PLCL1: variants seen among roughly 807,000 people sequenced by gnomAD.
The protein encoded by PLCL1 is inactive phospholipase C-like protein 1.
In PLCL1, 41 loss-of-function variants were observed where a neutral mutation model predicts 84.4. That is an observed-to-expected ratio of 0.49 (90% CI 0.38 to 0.63). The LOEUF (loss-of-function observed/expected upper bound fraction) is 0.63, where lower values mean the gene tolerates loss of function less well. PLCL1 is among the 30% of genes least tolerant of loss of function. The probability of loss-of-function intolerance (pLI) is 0.00; values close to 1 mark genes in which losing one functional copy is unlikely to be tolerated. For missense variants in PLCL1, 1,206 were observed against 1,367.8 expected (o/e 0.88, Z 1.87); for synonymous variants, 490 against 488.3 (o/e 1.00, Z -0.05).
chr2:197,820,256 C>A (rs1331833547), intron 1 of PLCL1, among the ~76,000 whole-genome samples: 2 of 152,036 alleles, frequency 1.3e-5, no homozygotes, highest in Admixed American at 6.6e-5. Context: ...TGTCAGCAAC[C>A]CCAAGTATTA....
intron 1 of PLCL1, among the ~76,000 whole-genome samples, chr2:198,015,022 A>G (rs1690963867): frequency 6.6e-6 from 1 of 152,130 alleles, no homozygotes; most frequent in Non-Finnish European, 1.5e-5. Context: ...TTTAATGTTT[A>G]AAAACTTATT....
intron 5 of PLCL1, among the ~76,000 whole-genome samples, chr2:198,111,165 A>G (rs1693611999): frequency 6.6e-6 from 1 of 151,808 alleles, no homozygotes; most frequent in South Asian, 2.1e-4. Context: ...AAATCTGAAA[A>G]TCTACTACAA....
chr2:197,859,355 AAATT>A (rs1248738812), intron 1 of PLCL1, among the ~76,000 whole-genome samples: 6 of 152,198 alleles, frequency 3.9e-5, no homozygotes, highest in Non-Finnish European at 8.8e-5. Context: ...TCAGTTTTAT[AAATT>A]CTTAATCTGT....
At chr2:198,011,128 T>C (rs1690859113) in intron 1 of PLCL1, among the ~76,000 whole-genome samples, 1 of 151,990 alleles carries the variant, frequency 6.6e-6, no homozygotes, top group Non-Finnish European at 1.5e-5. Context: ...ACTCTAATTT[T>C]TATGGTTTCC....
At chr2:198,017,068 G>A (rs1242615016) in intron 1 of PLCL1, among the ~76,000 whole-genome samples, 1 of 152,166 alleles carries the variant, frequency 6.6e-6, no homozygotes, top group African/African-American at 2.4e-5. Context: ...GCATGATAGT[G>A]ACCAGGAAAA....
At position 198,133,879 on chromosome 2, in the gene PLCL1, G is replaced by A. The variant is rs1252561834; in HGVS notation, c.3106-12901G>A. On this transcript the variant is annotated intron_variant, in intron 5 of 5. Transcript: ENST00000428675. ...AATAAGATGTTTTGGGACAACTGGG[G>A]AAATTTAATATGTACTGTATATCAG... Among the ~76,000 whole-genome samples, 3 of 152,152 alleles carry A rather than the reference G, an allele frequency of 2.0e-5. No individual in the cohort carries two copies. In the East Asian group the frequency reaches 5.8e-4, roughly 29 times the overall value.
At chr2:197,817,475 T>C (rs1248254677) in intron 1 of PLCL1, among the ~76,000 whole-genome samples, 1 of 152,038 alleles carries the variant, frequency 6.6e-6, no homozygotes, top group African/African-American at 2.4e-5. Flanking sequence ...GATGGGGGTT[T>C]TGCTGTGTTT....
intron 1 of PLCL1, among the ~76,000 whole-genome samples, chr2:198,003,503 G>T (rs977719995): frequency 1.3e-5 from 2 of 152,208 alleles, no homozygotes; most frequent in Non-Finnish European, 2.9e-5. Flanking sequence ...TTTAGTTGTA[G>T]TTTAGGAAGT....
chr2:197,883,050 G>T lies in PLCL1; in HGVS notation c.240+77711G>T, dbSNP rs191902918. 7.8e-4 allele frequency among the ~76,000 whole-genome samples: 119 copies of T among 152,260 alleles called. 1 individual carries two copies. Among genetic ancestry groups the T allele is most frequent in the African/African-American group, 2.7e-3 (114 of 41,558 alleles). ...AATGGTTAACTTGATGGGGGAGTAG[G>T]TGATGACGGGACAGAGCTTGAGAGA... On this transcript the variant is annotated intron_variant, in intron 1 of 5. Transcript: ENST00000428675.
chr2:198,147,201 A>AGTGT lies in PLCL1; in HGVS notation c.*240_*241insTGTG, dbSNP rs1694543804. ...ACACCCCTGTGTGGATGCCTGTGGA[A>AGTGT]GAGTGTGTGTGTGTGTGTGTGTGTG... is the stretch of plus-strand genomic sequence containing the variant. On this transcript the variant is annotated 3_prime_UTR_variant, in exon 6 of 6. Transcript: ENST00000428675. The AGTGT allele has an allele frequency of 1.2e-5, 2 of 167,118 alleles. No homozygotes were observed. The highest frequency in any genetic ancestry group is 8.3e-5 in the South Asian group (1 of 12,000). The allele number at this position is 167,118 out of a possible 1,614,324, so 10.4% of individuals were successfully genotyped here.
chr2:198,021,233 G>C (rs979589170), intron 1 of PLCL1, among the ~76,000 whole-genome samples: 3 of 152,160 alleles, frequency 2.0e-5, no homozygotes, highest in African/African-American at 7.2e-5. Context: ...AGAGTCTCTG[G>C]GACACAGCTA....
intron 1 of PLCL1, among the ~76,000 whole-genome samples, chr2:198,057,353 T>C (rs1692092920): frequency 6.6e-6 from 1 of 152,040 alleles, no homozygotes; most frequent in Admixed American, 6.5e-5. Flanking sequence ...TGTTCCCTGG[T>C]GTGGGGGTAG....
At chr2:198,028,639 T>A (rs769965067) in intron 1 of PLCL1, among the ~76,000 whole-genome samples, 1 of 152,226 alleles carries the variant, frequency 6.6e-6, no homozygotes, top group African/African-American at 2.4e-5. Context: ...CACGGTCATA[T>A]TTTTTGTACA....
chr2:197,918,966 C>CTT (rs1410337506), intron 1 of PLCL1, among the ~76,000 whole-genome samples: 174 of 146,132 alleles, frequency 1.2e-3, no homozygotes, highest in Non-Finnish European at 2.0e-3. Context: ...CTCTCTCTCT[C>CTT]TCCCTCACAC....
At chr2:197,967,398 T>C (rs936008016) in intron 1 of PLCL1, among the ~76,000 whole-genome samples, 3 of 152,140 alleles carry the variant, frequency 2.0e-5, no homozygotes, top group Non-Finnish European at 2.9e-5. Context: ...GGTTTCACCA[T>C]GTTGGCCAGG....
At chr2:198,128,230 C>G (rs1559114397) in intron 5 of PLCL1, among the ~76,000 whole-genome samples, 2 of 152,146 alleles carry the variant, frequency 1.3e-5, no homozygotes, top group African/African-American at 4.8e-5. Context: ...AAAGCTAGTT[C>G]AGGCCATGAT....
chr2:198,072,171 A>G (rs924397611), intron 1 of PLCL1, among the ~76,000 whole-genome samples: 1 of 151,882 alleles, frequency 6.6e-6, no homozygotes, highest in Non-Finnish European at 1.5e-5. Flanking sequence ...ATAAAATTAT[A>G]TAAGTTTTGC....
intron 1 of PLCL1, among the ~76,000 whole-genome samples, chr2:197,876,386 T>C (rs374799011): frequency 3.9e-5 from 6 of 152,292 alleles, no homozygotes; most frequent in African/African-American, 1.4e-4. Flanking sequence ...CAGGGATGCA[T>C]TTTATTTTAT....
chr2:197,870,053 G>C (rs1687622145), intron 1 of PLCL1, among the ~76,000 whole-genome samples: 1 of 152,070 alleles, frequency 6.6e-6, no homozygotes, highest in African/African-American at 2.4e-5. Flanking sequence ...GGGCGGCCAC[G>C]AAGCATCATG....
Sources: gnomAD v4.1 joint callset for allele counts (sites outside exome capture counted in the v4.1 genomes callset) on GRCh38, gnomAD v4.1.1 for gene constraint, MANE v1.5 for transcripts, NCBI Gene and HGNC (gene_info 2026-07-23, HGNC 2026-07-21) for gene names.